Variants in PDS5A observed in about 807,000 individuals in gnomAD.
PDS5A encodes the protein sister chromatid cohesion protein PDS5 homolog A.
Under a neutral mutation model 167.1 loss-of-function variants are expected in PDS5A, and 42 were observed. The observed-to-expected ratio is 0.25, with a 90% confidence interval of 0.20 to 0.33. The LOEUF (loss-of-function observed/expected upper bound fraction) is 0.33, where lower values mean the gene tolerates loss of function less well. PDS5A is among the 10% of genes least tolerant of loss of function. The pLI is 1.00. For synonymous variants in PDS5A, 553 were observed against 554.6 expected (o/e 1.00, Z 0.04); for missense variants, 1,033 against 1,605.9 (o/e 0.64, Z 6.10).
chr4:39,898,901 A>C, intron 14 of PDS5A, 76 bp from the exon 15 acceptor site: 4 of 846,596 alleles, frequency 4.7e-6, no homozygotes, highest in Non-Finnish European at 5.8e-6. Flanking sequence ...ATCAATACTC[A>C]TTACTGTACA....
intron 26 of PDS5A, among the ~76,000 whole-genome samples, chr4:39,853,961 C>T (rs1448698526): frequency 1.3e-5 from 2 of 152,150 alleles, no homozygotes; most frequent in African/African-American, 2.4e-5. Context: ...TCAAAGGACA[C>T]GTATTAGCTG....
intron 31 of PDS5A, 67 bp from the exon 32 acceptor site, chr4:39,838,275 G>C (rs957042082): frequency 8.6e-7 from 1 of 1,166,554 alleles, no homozygotes; most frequent in Admixed American, 2.9e-5. Context: ...TATTAGAAAA[G>C]AGTGTTTTGA....
At chr4:39,959,308 T>C (rs1729262024) in intron 2 of PDS5A, among the ~76,000 whole-genome samples, 1 of 152,224 alleles carries the variant, frequency 6.6e-6, no homozygotes, top group Non-Finnish European at 1.5e-5. Context: ...TTTTTAAATT[T>C]TTTTATTTTA....
At chr4:39,865,128 C>A (rs560667708) in intron 23 of PDS5A, among the ~76,000 whole-genome samples, 1 of 151,792 alleles carries the variant, frequency 6.6e-6, no homozygotes, top group African/African-American at 2.4e-5. Flanking sequence ...TTGCTTATAA[C>A]GTTTTTTTTT....
In PDS5A at chr4:39,917,090, A is replaced by C. The variant is rs765094129; in HGVS notation, c.834T>G (p.His278Gln). The change falls in exon 8 of 33, where the codon CAT becomes CAG. Residue 278 changes from histidine (H) to glutamine (Q), a missense_variant. Around this residue, in one of 4 missense-constraint regions of PDS5A, gnomAD observed 388 missense variants for 615.1 expected, o/e 0.63. Transcript: ENST00000303538. ...LIQELFAIDP[H>Q]LLLSVMPQLE... The stretch of plus-strand genomic sequence containing the variant: ...GCTGTGGCATGACGGATAATAATAA[A>C]TGAGGATCTATAGCAAAAAGTTCCT... The C allele has an allele frequency of 6.4e-7, 1 of 1,552,722 alleles. No individual in the cohort carries two copies. Among genetic ancestry groups the C allele is most frequent in the South Asian group, 1.2e-5 (1 of 80,130 alleles).
intron 7 of PDS5A, 82 bp downstream of exon 7, chr4:39,920,237 T>C: frequency 1.7e-6 from 1 of 604,996 alleles, no homozygotes; most frequent in Non-Finnish European, 2.9e-6. Context: ...CTAAATAAAC[T>C]TTTATGTAAG....
intron 2 of PDS5A, among the ~76,000 whole-genome samples, chr4:39,967,079 TG>T (rs1730041753): frequency 6.6e-6 from 1 of 151,636 alleles, no homozygotes; most frequent in South Asian, 2.1e-4. Context: ...CCGAGGTGGG[TG>T]GATCACTTGA....
At chr4:39,849,454 A>C (rs1717925831) in intron 27 of PDS5A, 66 bp downstream of exon 27, 2 of 1,164,900 alleles carry the variant, frequency 1.7e-6, no homozygotes, top group East Asian at 2.4e-5. Flanking sequence ...AAAAAAAAAA[A>C]AACCAAGTGG....
intron 10 of PDS5A, 107 bp from the exon 11 acceptor site, chr4:39,908,647 A>G (rs1359914932): frequency 1.5e-6 from 1 of 678,028 alleles, no homozygotes; most frequent in Non-Finnish European, 2.5e-6. Flanking sequence ...TACTAAAGCA[A>G]TGTTTGTAAA....
intron 5 of PDS5A, among the ~76,000 whole-genome samples, chr4:39,924,751 G>C (rs1725299434): frequency 6.6e-6 from 1 of 152,182 alleles, no homozygotes; most frequent in Non-Finnish European, 1.5e-5. Flanking sequence ...AAACTTATGT[G>C]AGGTATGTTT....
chr4:39,976,737 C>T (rs907799800), intron 1 of PDS5A, 120 bp from the exon 2 acceptor site: 27 of 497,528 alleles, frequency 5.4e-5, no homozygotes, highest in Middle Eastern at 1.1e-3. Flanking sequence ...GACCCGGCAG[C>T]GGCCTCGCCA....
chr4:39,939,479 GA>G (rs141707821), intron 2 of PDS5A, among the ~76,000 whole-genome samples: 1 of 144,536 alleles, frequency 6.9e-6, no homozygotes, highest in South Asian at 2.3e-4. Context: ...AACCTAAAAT[GA>G]AAAAAAAAAT....
chr4:39,863,584 T>C (rs1198353511), intron 23 of PDS5A, 125 bp from the exon 24 acceptor site: 3 of 594,942 alleles, frequency 5.0e-6, no homozygotes, highest in Non-Finnish European at 8.5e-6. Context: ...CGTACAAATA[T>C]GGGAAAGCTA....
At chr4:39,888,440 C>T (rs73246260) in intron 17 of PDS5A, among the ~76,000 whole-genome samples, 10,860 of 151,800 alleles carry the variant, frequency 0.072, 486 homozygotes, top group Non-Finnish European at 0.1. Flanking sequence ...AATTCCACTA[C>T]TGGGTATATA....
At chr4:39,845,935 G>C in intron 28 of PDS5A, 55 bp from the exon 29 acceptor site, 1 of 1,230,976 alleles carries the variant, frequency 8.1e-7, no homozygotes, top group Non-Finnish European at 1.0e-6. Flanking sequence ...AGGAACATGA[G>C]TATTTTAATT....
chr4:39,886,938 C>T (rs1448017537), intron 17 of PDS5A, among the ~76,000 whole-genome samples: 1 of 151,532 alleles, frequency 6.6e-6, no homozygotes, highest in Non-Finnish European at 1.5e-5. Context: ...TGTCGGCATA[C>T]GTAGATGCTA....
intron 8 of PDS5A, 73 bp from the exon 9 acceptor site, chr4:39,913,799 C>T (rs1724104085): frequency 1.2e-6 from 1 of 813,882 alleles, no homozygotes; most frequent in African/African-American, 1.7e-5. Flanking sequence ...GAAACATTCT[C>T]AAGAAGATAC....
At chr4:39,932,122 A>G (rs1325037106) in intron 2 of PDS5A, among the ~76,000 whole-genome samples, 1 of 151,986 alleles carries the variant, frequency 6.6e-6, no homozygotes. Flanking sequence ...TCAACTCCTG[A>G]CCTCAGATGA....
chr4:39,922,321 A>G (rs1725058714), intron 6 of PDS5A, among the ~76,000 whole-genome samples: 1 of 152,198 alleles, frequency 6.6e-6, no homozygotes, highest in Non-Finnish European at 1.5e-5. Flanking sequence ...TTTCCAAACA[A>G]AGTTAACCAA....
Sources: gnomAD v4.1 joint callset for allele counts (sites outside exome capture counted in the v4.1 genomes callset) on GRCh38, gnomAD v4.1.1 for gene constraint, gnomAD v4.1.1 regional missense constraint, MANE v1.5 for transcripts, NCBI Gene and HGNC (gene_info 2026-07-23, HGNC 2026-07-21) for gene names.